The following SLC34A3 variants were observed in gnomAD, a reference collection of about 807,000 sequenced individuals.
SLC34A3 encodes the protein solute carrier family 34 member 3.
SLC34A3 carries 60 observed loss-of-function variants against 43.9 expected under a neutral mutation model. The ratio of observed to expected loss-of-function variants is 1.37; its 90% CI spans 1.11 to 1.70. The LOEUF (loss-of-function observed/expected upper bound fraction) is 1.70. SLC34A3 is among the 40% of genes most tolerant of loss of function. SLC34A3 has a pLI of 0.00. For synonymous variants in SLC34A3, 451 were observed against 386.2 expected, an observed-to-expected ratio of 1.17 and a Z score of -1.97; for missense variants, 969 against 823.8, an observed-to-expected ratio of 1.18 and a Z score of -2.16.
chr9:137,234,525 C>A lies in SLC34A3; in HGVS notation c.1203C>A (p.Pro401=), dbSNP rs1378863618. 1.2e-6 allele frequency: 2 copies of A among 1,606,916 alleles called. No individual in the cohort carries two copies. The highest frequency in any genetic ancestry group is 3.3e-5 in the Admixed American group (2 of 59,926). Residue 401 remains proline (P), a synonymous_variant, in exon 11 of 13, where the codon CCC becomes CCA. Transcript: ENST00000673835. The surrounding 1 kb of genome is among the most constrained non-coding windows in gnomAD (Gnocchi z 6.9). ...GCGTCTTCACGGCGGCCGTCGTGCC[C>A]CTCATGGGTGAGCAGGCAGGACAGA... is the stretch of plus-strand genomic sequence containing the variant. ...SSSVFTAAVV[P]LMGVGVISLD...
At chr9:137,235,898 C>T (rs1836566674) in intron 12 of SLC34A3, 54 bp from the exon 13 acceptor site, 1 of 1,563,602 alleles carries the variant, frequency 6.4e-7, no homozygotes, top group Non-Finnish European at 8.8e-7. Context: ...GTCCGGGGCC[C>T]CTGGTGACCC....
In SLC34A3 at chr9:137,236,233, G is replaced by T; in HGVS notation, c.1617G>T (p.Pro539=). 6.4e-7 allele frequency: 1 copy of T among 1,557,450 alleles called. No individual in the cohort carries two copies. The highest frequency in any genetic ancestry group is 8.7e-7 in the Non-Finnish European group (1 of 1,154,514). ...TTACTGTCCTGCAGCGGCGCCGGCC[G>T]GCCTGGCTGCCTGTCCGCCTGCGCT... ...ILVTVLQRRR[P]AWLPVRLRSW... Residue 539 remains proline, a synonymous_variant, in exon 13 of 13, where the codon CCG becomes CCT. Coordinates refer to ENST00000673835, the MANE Select transcript of SLC34A3 (RefSeq NM_001177316.2).
At chr9:137,230,184 C>T (rs1352800467), upstream of SLC34A3, among the ~76,000 whole-genome samples, 4 of 152,140 alleles carry the variant, frequency 2.6e-5, no homozygotes, top group Middle Eastern at 3.2e-3. Context: ...ACCCCACAGG[C>T]GGTGGGGCCA....
upstream of SLC34A3, among the ~76,000 whole-genome samples, chr9:137,230,094 G>A (rs1256721802): frequency 1.3e-5 from 2 of 152,212 alleles, no homozygotes; most frequent in Non-Finnish European, 2.9e-5. Flanking sequence ...CAGGGCACCA[G>A]CAGCCCCTGG....
At position 137,234,483 on chromosome 9, in the gene SLC34A3, C is replaced by T. The variant is rs769447120; in HGVS notation, c.1161C>T (p.Phe387=). The T allele has an allele frequency of 3.4e-5, 55 of 1,602,456 alleles. No individual in the cohort carries two copies. Among genetic ancestry groups the T allele is most frequent in the African/African-American group, 2.7e-4 (20 of 74,878 alleles). ...TCCTCGCGGGCGCCGGCCTGACCTT[C>T]GCACTGCAGAGCAGCAGCGTCTTCA... is the stretch of plus-strand genomic sequence containing the variant. ...LAVLAGAGLT[F]ALQSSSVFTA... Residue 387 remains phenylalanine, a synonymous_variant, in exon 11 of 13, where the codon TTC becomes TTT. Coordinates refer to ENST00000673835, the MANE Select transcript of SLC34A3 (RefSeq NM_001177316.2). The surrounding 1 kb of genome is among the most constrained non-coding windows in gnomAD (Gnocchi z 6.9).
chr9:137,233,469 G>C lies in SLC34A3; in HGVS notation c.756+65G>C, dbSNP rs912623499. ...GGCCGGATGGGAGGAGGGGAGGCCC[G>C]CCCTGCCCTGATGGAGGGTCAGCGG... On this transcript the variant is annotated intron_variant, in intron 7 of 12. Coordinates refer to ENST00000673835, the MANE Select transcript of SLC34A3 (RefSeq NM_001177316.2). 5.0e-6 allele frequency: 8 copies of C among 1,585,124 alleles called. No individual in the cohort carries two copies. In the African/African-American group the frequency reaches 6.8e-5, roughly 13 times the overall value.
rs564821804 is a variant in SLC34A3, at chr9:137,231,649, C to T, written c.-39-15C>T. On this transcript the variant is annotated splice_polypyrimidine_tract_variant and intron_variant, in intron 1 of 12. Transcript: ENST00000673835. ...CAGGAGGAAATGTCTCTGACACGCG[C>T]GTCCCCCCCAGCAGATCTAGACCTG... 153 of 1,428,450 alleles carry T rather than the reference C, an allele frequency of 1.1e-4. 2 individuals carry two copies. In the East Asian group the frequency reaches 2.0e-3, roughly 19 times the overall value. 88.5% of individuals were successfully genotyped at this position (1,428,450 alleles called of 1,614,324 possible). A position where few individuals can be genotyped will look rare whatever the true frequency, so the allele number is the denominator to read the frequency against.
rs774001691 is a variant in SLC34A3, at chr9:137,234,492, G to A, written c.1170G>A (p.Gln390=). 3.7e-6 allele frequency: 6 copies of A among 1,603,566 alleles called. No homozygotes were observed. In the Middle Eastern group the frequency reaches 4.9e-4, roughly 132 times the overall value. ...GCGCCGGCCTGACCTTCGCACTGCA[G>A]AGCAGCAGCGTCTTCACGGCGGCCG... The part of the protein sequence containing the change: ...LAGAGLTFAL[Q]SSSVFTAAVV... The change falls in exon 11 of 13, where the codon CAG becomes CAA. Residue 390 remains glutamine, a synonymous_variant. Coordinates refer to ENST00000673835, the MANE Select transcript of SLC34A3 (RefSeq NM_001177316.2). This position sits in a 1 kb window ranked among gnomAD's most constrained non-coding sequence, Gnocchi z 6.9.
intron 1 of SLC34A3, among the ~76,000 whole-genome samples, chr9:137,231,340 G>C (rs1048945276): frequency 1.3e-5 from 2 of 152,182 alleles, no homozygotes; most frequent in Admixed American, 1.3e-4. Flanking sequence ...CACCAGATAG[G>C]GGAGGTCCCC....
Position 137,236,400 on chromosome 9 carries a change from C to CT in SLC34A3, c.1784_1785insT (p.Ser596LeufsTer10). 2 of 1,537,300 alleles carry CT rather than the reference C, an allele frequency of 1.3e-6. No individual in the cohort carries two copies. The highest frequency in any genetic ancestry group is 1.7e-6 in the Non-Finnish European group (2 of 1,146,742). ...TGCTACGAGAACCCTGAGATCTTGG[C>CT]CTCCCAGCAGTTGTGACGGGCAGTT... On this transcript the variant is annotated frameshift_variant, in exon 13 of 13. Coordinates refer to ENST00000673835, the MANE Select transcript of SLC34A3 (RefSeq NM_001177316.2). LOFTEE classifies it high-confidence loss of function.
At chr9:137,233,779 T>TTGGGGGCCCCCCCCC in intron 8 of SLC34A3, 57 bp downstream of exon 8, 14 of 1,445,736 alleles carry the variant, frequency 9.7e-6, no homozygotes, top group East Asian at 2.3e-5. Context: ...TGCTGAGTCA[T>TTGGGGGCCCCCCCCC]CCCGCCCCAC....
In SLC34A3 at chr9:137,234,196, G is replaced by A. The variant is rs756797295; in HGVS notation, c.1013G>A (p.Cys338Tyr). Residue 338 changes from cysteine (C) to tyrosine (Y), a missense_variant, in exon 10 of 13, where the codon TGC (cysteine) becomes TAC (tyrosine). Coordinates refer to ENST00000673835, the MANE Select transcript of SLC34A3 (RefSeq NM_001177316.2). The surrounding 1 kb of genome is among the most constrained non-coding windows in gnomAD (Gnocchi z 6.9). ...GGCTCCCTGCTGGTGCTCTGCGGCT[G>A]CCTGGTCCTCATAGTCAAGCTGCTC... ...LAGSLLVLCGCLVLIVKLLNS... is the reference protein window; with the variant it reads ...LAGSLLVLCGYLVLIVKLLNS... The A allele has an allele frequency of 1.2e-6, 2 of 1,606,448 alleles. No homozygotes were observed. Among genetic ancestry groups the A allele is most frequent in the East Asian group, 2.2e-5 (1 of 44,680 alleles).
chr9:137,235,819 C>A, intron 12 of SLC34A3, 133 bp from the exon 13 acceptor site: 1 of 808,578 alleles, frequency 1.2e-6, no homozygotes, highest in South Asian at 1.5e-5. Flanking sequence ...TCCCAGACGG[C>A]CATCTCATCC....
chr9:137,233,779 T>TACCCCCCCCCC, intron 8 of SLC34A3, 57 bp downstream of exon 8: 11 of 1,445,822 alleles, frequency 7.6e-6, no homozygotes, highest in Admixed American at 1.8e-5. Flanking sequence ...TGCTGAGTCA[T>TACCCCCCCCCC]CCCGCCCCAC....
chr9:137,233,481 TGGAGGGTCAGC>T (rs1415135815), intron 7 of SLC34A3, 77 bp downstream of exon 7: 1 of 1,585,608 alleles, frequency 6.3e-7, no homozygotes, highest in Non-Finnish European at 8.6e-7. Flanking sequence ...CCTGCCCTGA[TGGAGGGTCAGC>T]GGAGGGTCTG....
Position 137,236,547 on chromosome 9 carries a change from T to G in SLC34A3, c.*131T>G. 1.2e-6 allele frequency: 1 copy of G among 829,814 alleles called. No individual in the cohort carries two copies. The highest frequency in any genetic ancestry group is 2.0e-6 in the Non-Finnish European group (1 of 508,154). 51.4% of individuals were successfully genotyped at this position (829,814 alleles called of 1,614,324 possible). A position where few individuals can be genotyped will look rare whatever the true frequency, so the allele number is the denominator to read the frequency against. On this transcript the variant is annotated 3_prime_UTR_variant, in exon 13 of 13. Coordinates refer to ENST00000673835, the MANE Select transcript of SLC34A3 (RefSeq NM_001177316.2). The stretch of plus-strand genomic sequence containing the variant: ...CCTTCTGTGCAAATAAACCAGGCTG[T>G]TATCTGGGGTGGCGGTCCTCACTCC...
At chr9:137,235,659 G>A (rs1256163708) in intron 12 of SLC34A3, among the ~76,000 whole-genome samples, 1 of 152,206 alleles carries the variant, frequency 6.6e-6, no homozygotes, top group Non-Finnish European at 1.5e-5. Flanking sequence ...GGCACAGGCA[G>A]AGCCAGGTCG....
In SLC34A3 at chr9:137,232,075, C is replaced by A. The variant is rs1229665252; in HGVS notation, c.89C>A (p.Thr30Asn). 1 of 1,613,138 alleles carries A rather than the reference C, an allele frequency of 6.2e-7. No homozygotes were observed. Among genetic ancestry groups the A allele is most frequent in the Non-Finnish European group, 8.5e-7 (1 of 1,179,894 alleles). ...LVEKTLRNEG[T>N]SSSAPVLEEG... ...GTACTCAATTCTACCTCCACAGGGA[C>A]CTCCAGTTCTGCTCCAGTCTTGGAG... The change falls in exon 3 of 13, where the codon ACC (threonine) becomes AAC (asparagine). Residue 30 changes from threonine to asparagine, a missense_variant. By Grantham distance (65) the Thr-to-Asn change is moderately conservative. Coordinates refer to ENST00000673835, the MANE Select transcript of SLC34A3 (RefSeq NM_001177316.2).
upstream of SLC34A3, among the ~76,000 whole-genome samples, chr9:137,229,807 C>T (rs1159520005): frequency 6.6e-6 from 1 of 152,130 alleles, no homozygotes; most frequent in African/African-American, 2.4e-5. Flanking sequence ...TTCCTGGCTC[C>T]GAGCAGCCAC....
Sources: gnomAD v4.1 joint callset for allele counts (sites outside exome capture counted in the v4.1 genomes callset) on GRCh38, gnomAD v4.1.1 for gene constraint, Gnocchi (gnomAD v3.1) non-coding constraint, MANE v1.5 for transcripts, NCBI Gene and HGNC (gene_info 2026-07-23, HGNC 2026-07-21) for gene names.